FAP: variants seen among roughly 807,000 people sequenced by gnomAD.
The protein encoded by FAP is prolyl endopeptidase FAP.
FAP carries 110 observed loss-of-function variants against 126.5 expected under a neutral mutation model. The observed-to-expected ratio is 0.87, with a 90% CI of 0.74 to 1.02. The LOEUF (loss-of-function observed/expected upper bound fraction) is 1.02, where lower values mean the gene tolerates loss of function less well. FAP is among the 50% of genes least tolerant of loss of function. FAP has a pLI of 0.00. For synonymous variants in FAP, 334 were observed against 297.3 expected, an observed-to-expected ratio of 1.12 and a Z score of -1.27; for missense variants, 919 against 909.2, an observed-to-expected ratio of 1.01 and a Z score of -0.14.
intron 21 of FAP, among the ~76,000 whole-genome samples, chr2:162,182,943 T>C (rs1373610303): frequency 6.6e-6 from 1 of 152,162 alleles, no homozygotes; most frequent in Non-Finnish European, 1.5e-5. Flanking sequence ...CTAAAATAAT[T>C]TGATTGCCAA....
Position 162,172,851 on chromosome 2 carries a change from G to C in FAP, c.2141C>G (p.Ala714Gly), listed in dbSNP as rs1687362162. 6.2e-7 allele frequency: 1 copy of C among 1,612,912 alleles called. No individual in the cohort carries two copies. Among genetic ancestry groups the C allele is most frequent in the South Asian group, 1.1e-5 (1 of 91,040 alleles). ...CACTTGTGCATTAACCAGAGCTTTAGCAATCTGTGCTGAGTTTTGAAAGTG... is the reference window on the plus strand; with the variant it reads ...CACTTGTGCATTAACCAGAGCTTTACCAATCTGTGCTGAGTTTTGAAAGTG... Reference protein sequence around the residue: ...NVHFQNSAQIAKALVNAQVDF... With the variant: ...NVHFQNSAQIGKALVNAQVDF... The change falls in exon 25 of 26, where the codon GCT becomes GGT. Residue 714 changes from alanine to glycine, a missense_variant. Physicochemically the swap from Ala to Gly is moderately conservative, Grantham distance 60 (BLOSUM62 0). Coordinates refer to ENST00000188790, the MANE Select transcript of FAP (RefSeq NM_004460.5).
intron 11 of FAP, among the ~76,000 whole-genome samples, chr2:162,210,210 A>T (rs1239110311): frequency 6.6e-6 from 1 of 152,192 alleles, no homozygotes; most frequent in Non-Finnish European, 1.5e-5. Flanking sequence ...ATCCTTAATA[A>T]TTATGCCTAA....
chr2:162,232,938 C>T (rs918089958), intron 2 of FAP, among the ~76,000 whole-genome samples: 2 of 152,120 alleles, frequency 1.3e-5, no homozygotes, highest in Non-Finnish European at 2.9e-5. Context: ...TTCCTCTAAT[C>T]TCTACTTGAC....
At chr2:162,194,529 A>G (rs1190105650) in intron 17 of FAP, among the ~76,000 whole-genome samples, 172 bp downstream of exon 17, 1 of 152,180 alleles carries the variant, frequency 6.6e-6, no homozygotes, top group Non-Finnish European at 1.5e-5. Context: ...TCATAGGATC[A>G]TATTTGACCC....
chr2:162,222,590 C>T (rs1044456614), intron 6 of FAP, among the ~76,000 whole-genome samples: 3 of 151,830 alleles, frequency 2.0e-5, no homozygotes, highest in African/African-American at 4.8e-5. Flanking sequence ...AATTATTTCC[C>T]CTTTTATATA....
intron 20 of FAP, among the ~76,000 whole-genome samples, chr2:162,187,748 T>C (rs1015964323): frequency 2.0e-5 from 3 of 152,068 alleles, no homozygotes; most frequent in African/African-American, 7.2e-5. Context: ...GCCTAACATC[T>C]AAAAGTATGT....
intron 17 of FAP, among the ~76,000 whole-genome samples, chr2:162,191,593 C>A (rs1314615464): frequency 6.6e-6 from 1 of 152,038 alleles, no homozygotes; most frequent in Non-Finnish European, 1.5e-5. Context: ...TTTGTAGGCT[C>A]TTCATTGTGA....
At position 162,200,589 on chromosome 2, in the gene FAP, G is replaced by T. The variant is rs763694305; in HGVS notation, c.1254C>A (p.Tyr418Ter). 6.8e-6 allele frequency: 10 copies of T among 1,472,468 alleles called. No individual in the cohort carries two copies. Among genetic ancestry groups the T allele is most frequent in the Non-Finnish European group, 9.3e-6 (10 of 1,076,400 alleles). The allele number at this position is 1,472,468 out of a possible 1,614,324, so 91.2% of individuals were successfully genotyped here. Residue 418 changes from tyrosine (Y) to a stop codon, truncating the protein, a stop_gained, in exon 15 of 26, where the codon TAC (tyrosine) becomes TAA (stop). Transcript: ENST00000188790. LOFTEE classifies it high-confidence loss of function. ...LFYSSNEFEE[Y>*]PGRRNIYRIS... ...ACCTGTAGATGTTTCTTCTTCCAGG[G>T]TATTCTTCAAATTCATTGCTAGAAT...
intron 2 of FAP, among the ~76,000 whole-genome samples, chr2:162,237,209 TATTA>T (rs1244935404): frequency 3.9e-5 from 6 of 152,186 alleles, no homozygotes; most frequent in Non-Finnish European, 7.3e-5. Context: ...CATGCTACTG[TATTA>T]ATTATTGCAA....
At chr2:162,171,814 TG>T (rs1687313956) in intron 25 of FAP, 1 of 150,422 alleles carries the variant, frequency 6.6e-6, no homozygotes, top group African/African-American at 2.5e-5. Context: ...TGTATCTTTT[TG>T]GGGGTACAGT....
intron 14 of FAP, among the ~76,000 whole-genome samples, chr2:162,201,001 T>C (rs1034357390): frequency 2.6e-5 from 4 of 152,190 alleles, no homozygotes; most frequent in African/African-American, 7.2e-5. Context: ...TTGAATTTAT[T>C]TTATAGAAGC....
chr2:162,189,159 C>G lies in FAP; in HGVS notation c.1563G>C (p.Lys521Asn). 2 of 1,599,502 alleles carry G rather than the reference C, an allele frequency of 1.3e-6. No homozygotes were observed. Among genetic ancestry groups the G allele is most frequent in the East Asian group, 4.5e-5 (2 of 44,288 alleles). The stretch of plus-strand genomic sequence containing the variant: ...TGTCAAATTGAGGAGGAAGAATCAT[C>G]TTGTACCATAAAGCTTTGAGGAAAA... ...LEVDEITLWY[K>N]MILPPQFDRS... Residue 521 changes from lysine to asparagine, a missense_variant, in exon 19 of 26, where the codon AAG becomes AAC. Transcript: ENST00000188790.
chr2:162,205,971 G>T (rs1403967935), intron 12 of FAP, among the ~76,000 whole-genome samples: 1 of 152,036 alleles, frequency 6.6e-6, no homozygotes, highest in Non-Finnish European at 1.5e-5. Context: ...TTTTTAAAGG[G>T]CTTTGTTCTA....
intron 10 of FAP, among the ~76,000 whole-genome samples, chr2:162,214,783 C>T (rs1291208787): frequency 6.6e-6 from 1 of 151,870 alleles, no homozygotes; most frequent in African/African-American, 2.4e-5. Context: ...AGTTATATAC[C>T]TTTAGGCCAG....
intron 11 of FAP, among the ~76,000 whole-genome samples, chr2:162,211,166 C>A (rs1038760220): frequency 6.6e-6 from 1 of 152,126 alleles, no homozygotes; most frequent in Non-Finnish European, 1.5e-5. Flanking sequence ...CTTACATTAC[C>A]CTTCATTCTT....
At position 162,238,263 on chromosome 2, in the gene FAP, TA is replaced by T. The variant is rs542789939; in HGVS notation, c.91+4644del. 3.6e-3 allele frequency among the ~76,000 whole-genome samples: 549 copies of T among 152,284 alleles called. 2 individuals are homozygous for T. The highest frequency in any genetic ancestry group is 0.012 in the African/African-American group (491 of 41,562). ...GCTCAGTTTGACTGTCTGTGGTTCT[TA>T]AAAACTTTTAGTCCTGATTGCACAC... On this transcript the variant is annotated intron_variant, in intron 2 of 25. Transcript: ENST00000188790.
At chr2:162,231,794 G>A (rs1286768827) in intron 2 of FAP, among the ~76,000 whole-genome samples, 1 of 152,164 alleles carries the variant, frequency 6.6e-6, no homozygotes, top group African/African-American at 2.4e-5. Flanking sequence ...ATTAGGAATG[G>A]GTGTTAGAGC....
chr2:162,206,602 G>A (rs1332912672), intron 12 of FAP, among the ~76,000 whole-genome samples: 1 of 152,172 alleles, frequency 6.6e-6, no homozygotes, highest in Admixed American at 6.5e-5. Flanking sequence ...AATAATTGAT[G>A]TGACTTTGCA....
chr2:162,196,424 A>G (rs1204808257), intron 16 of FAP, among the ~76,000 whole-genome samples: 1 of 152,112 alleles, frequency 6.6e-6, no homozygotes, highest in Non-Finnish European at 1.5e-5. Flanking sequence ...CAAAGAAATG[A>G]GACATGAATA....
Sources: allele counts gnomAD v4.1 joint callset (sites outside exome capture counted in the v4.1 genomes callset), GRCh38; gene constraint gnomAD v4.1.1; transcripts MANE v1.5; gene names NCBI Gene and HGNC (gene_info 2026-07-23, HGNC 2026-07-21).